EHMT1: variants seen among roughly 807,000 people sequenced by gnomAD.
EHMT1 encodes the protein euchromatic histone lysine methyltransferase 1.
A neutral mutation model predicts 147.2 loss-of-function variants in EHMT1; 15 were observed. The observed-to-expected ratio is 0.10, with a 90% confidence interval of 0.07 to 0.16. The LOEUF is 0.16. Ranked by LOEUF, EHMT1 falls within the 10% of genes least tolerant of loss-of-function variation. EHMT1 has a pLI of 1.00. For synonymous variants in EHMT1, 795 were observed against 709.6 expected, an observed-to-expected ratio of 1.12 and a Z score of -1.91; for missense variants, 1,587 against 1,772.4, an observed-to-expected ratio of 0.90 and a Z score of 1.88.
chr9:137,779,608 C>G, intron 13 of EHMT1, 27 bp from the exon 14 acceptor site: 1 of 1,612,878 alleles, frequency 6.2e-7, no homozygotes. Context: ...GAGCCCCATG[C>G]TGACTGTTGT....
chr9:137,626,634 T>C (rs1399838389), intron 1 of EHMT1, among the ~76,000 whole-genome samples: 1 of 152,166 alleles, frequency 6.6e-6, no homozygotes, highest in Non-Finnish European at 1.5e-5. Flanking sequence ...ATGTAACCTT[T>C]CCTTTAGTGT....
intron 1 of EHMT1, among the ~76,000 whole-genome samples, chr9:137,676,888 ATT>A (rs35944506): frequency 1.5e-3 from 217 of 149,326 alleles, no homozygotes; most frequent in African/African-American, 4.2e-3. Context: ...TTTGCTGAGA[ATT>A]TTTTTTTTTC....
At chr9:137,823,121 C>T (rs556509117) in intron 25 of EHMT1, among the ~76,000 whole-genome samples, 82 of 101,110 alleles carry the variant, frequency 8.1e-4, no homozygotes, top group Non-Finnish European at 1.1e-3. Flanking sequence ...TTTTTTGAGA[C>T]GGAGTCTCAC....
At chr9:137,725,006 C>T (rs1020459306) in intron 3 of EHMT1, among the ~76,000 whole-genome samples, 7 of 135,218 alleles carry the variant, frequency 5.2e-5, no homozygotes, top group Non-Finnish European at 7.7e-5. Flanking sequence ...GTGTGGCAGG[C>T]GTGTCACATG....
intron 1 of EHMT1, among the ~76,000 whole-genome samples, chr9:137,668,547 G>A (rs1458109004): frequency 6.6e-6 from 1 of 152,152 alleles, no homozygotes; most frequent in Non-Finnish European, 1.5e-5. Flanking sequence ...TGTGGACAGA[G>A]CACCAGAAAT....
chr9:137,711,045 C>T lies in EHMT1; in HGVS notation c.85+15C>T, dbSNP rs751783332. 8 of 1,581,612 alleles carry T rather than the reference C, an allele frequency of 5.1e-6. No homozygotes were observed. Among genetic ancestry groups the T allele is most frequent in the Non-Finnish European group, 5.2e-6 (6 of 1,164,664 alleles). ...GCTGGGAGAAGGTGAGGGCGGTGTG[C>T]ACCGAGGGACAGGAGCAGCGCCTCC... On this transcript the variant is annotated intron_variant, in intron 2 of 26. Coordinates refer to ENST00000460843, the MANE Select transcript of EHMT1 (RefSeq NM_024757.5).
At chr9:137,789,676 C>A (rs376550175) in intron 15 of EHMT1, among the ~76,000 whole-genome samples, 29 of 152,184 alleles carry the variant, frequency 1.9e-4, no homozygotes, top group African/African-American at 6.3e-4. Flanking sequence ...CAGCTCCTTC[C>A]GGTCAAAGTC....
At chr9:137,765,239 C>T (rs998770786) in intron 10 of EHMT1, among the ~76,000 whole-genome samples, 21 of 152,318 alleles carry the variant, frequency 1.4e-4, no homozygotes, top group Non-Finnish European at 2.2e-4. Context: ...AGGGCTGTTT[C>T]GTACCTCTGA....
At chr9:137,705,282 T>C (rs1303113868) in intron 1 of EHMT1, among the ~76,000 whole-genome samples, 2 of 152,202 alleles carry the variant, frequency 1.3e-5, no homozygotes, top group African/African-American at 2.4e-5. Context: ...CATGAGCCAC[T>C]ACACCGGCCT....
At chr9:137,745,614 G>A (rs1320889988) in intron 6 of EHMT1, 3 of 398,370 alleles carry the variant, frequency 7.5e-6, no homozygotes, top group Non-Finnish European at 8.8e-6. Context: ...TGACTGCACC[G>A]TGGGGAAGCA....
At chr9:137,662,490 C>T (rs745375034) in intron 1 of EHMT1, among the ~76,000 whole-genome samples, 21 of 151,852 alleles carry the variant, frequency 1.4e-4, no homozygotes, top group Non-Finnish European at 2.2e-4. Flanking sequence ...TGTGAGGCAT[C>T]GCACCTTGCC....
intron 1 of EHMT1, among the ~76,000 whole-genome samples, chr9:137,638,584 T>C (rs1430405122): frequency 2.6e-5 from 4 of 152,216 alleles, no homozygotes; most frequent in Non-Finnish European, 4.4e-5. Flanking sequence ...AGCTATGTTA[T>C]AGAATAAATT....
intron 6 of EHMT1, chr9:137,745,528 C>G: frequency 5.0e-6 from 2 of 398,608 alleles, no homozygotes; most frequent in Non-Finnish European, 4.4e-6. Context: ...GGCTCTGGCA[C>G]TCTGAAACAG....
At chr9:137,745,866 C>T (rs1272540466) in intron 6 of EHMT1, 3 of 251,960 alleles carry the variant, frequency 1.2e-5, no homozygotes, top group Admixed American at 1.1e-4. Context: ...GGTTTCCTCA[C>T]CTTCCCCAGC....
At chr9:137,707,193 G>A (rs4634736) in intron 1 of EHMT1, among the ~76,000 whole-genome samples, 15,320 of 152,256 alleles carry the variant, frequency 0.1, 836 homozygotes, top group Middle Eastern at 0.2. Flanking sequence ...CCTAGAGTCC[G>A]TCAGCCATAA....
chr9:137,674,565 C>T (rs1468147019), intron 1 of EHMT1, among the ~76,000 whole-genome samples: 1 of 152,218 alleles, frequency 6.6e-6, no homozygotes, highest in Non-Finnish European at 1.5e-5. Context: ...TGTGCCTTGC[C>T]TCCTGCAGTC....
intron 1 of EHMT1, among the ~76,000 whole-genome samples, chr9:137,656,367 G>C (rs978124542): frequency 7.9e-5 from 12 of 152,186 alleles, no homozygotes; most frequent in Admixed American, 6.5e-4. Flanking sequence ...GTGACAGAGC[G>C]AGACTCCATC....
At chr9:137,833,450 G>A (rs1240659442) in intron 25 of EHMT1, among the ~76,000 whole-genome samples, 1 of 152,268 alleles carries the variant, frequency 6.6e-6, no homozygotes, top group Non-Finnish European at 1.5e-5. Context: ...AGGTCCCTGT[G>A]GTTGCGTGGG....
intron 1 of EHMT1, among the ~76,000 whole-genome samples, chr9:137,682,861 A>T (rs1942087970): frequency 6.6e-6 from 1 of 152,184 alleles, no homozygotes; most frequent in African/African-American, 2.4e-5. Flanking sequence ...CCCTAGGACG[A>T]TGGGTCACTC....
Sources: allele counts gnomAD v4.1 joint callset (sites outside exome capture counted in the v4.1 genomes callset), GRCh38; gene constraint gnomAD v4.1.1; transcripts MANE v1.5; gene names NCBI Gene and HGNC (gene_info 2026-07-23, HGNC 2026-07-21).